The following ASCC3 variants were observed in gnomAD, a reference collection of about 807,000 sequenced individuals.
ASCC3 encodes ASC-1 complex subunit P200.
Under a neutral mutation model 256.3 loss-of-function variants are expected in ASCC3, and 158 were observed. The ratio of observed to expected loss-of-function variants is 0.62; its 90% CI spans 0.54 to 0.70. The LOEUF (loss-of-function observed/expected upper bound fraction) is 0.70. Among genes scored for constraint, ASCC3 ranks in the 30% least tolerant of loss-of-function variants. The pLI is 0.00. For synonymous variants in ASCC3, 948 were observed against 883.4 expected, an observed-to-expected ratio of 1.07 and a Z score of -1.30; for missense variants, 2,259 against 2,626.0, an observed-to-expected ratio of 0.86 and a Z score of 3.05.
chr6:100,831,173 T>C (rs1771599030), intron 4 of ASCC3, among the ~76,000 whole-genome samples: 1 of 152,072 alleles, frequency 6.6e-6, no homozygotes, highest in Non-Finnish European at 1.5e-5. Context: ...AAATATATTT[T>C]ACTTTTAAAT....
intron 3 of ASCC3, among the ~76,000 whole-genome samples, chr6:100,852,102 G>A (rs540369352): frequency 6.6e-6 from 1 of 152,290 alleles, no homozygotes; most frequent in African/African-American, 2.4e-5. Context: ...TGCTGGGGCC[G>A]CAAAGGATGC....
At chr6:100,864,459 C>T (rs1480866040) in intron 2 of ASCC3, among the ~76,000 whole-genome samples, 2 of 152,122 alleles carry the variant, frequency 1.3e-5, no homozygotes, top group Non-Finnish European at 2.9e-5. Context: ...AATTACACTG[C>T]ATACTCATAA....
intron 36 of ASCC3, 57 bp from the exon 37 acceptor site, chr6:100,540,444 T>A: frequency 7.2e-7 from 1 of 1,386,584 alleles, no homozygotes; most frequent in Non-Finnish European, 1.0e-6. Context: ...TTAATGTACT[T>A]CTTAGCTTTA....
chr6:100,614,257 G>T (rs1281166402), intron 30 of ASCC3, among the ~76,000 whole-genome samples: 3 of 152,076 alleles, frequency 2.0e-5, no homozygotes, highest in Non-Finnish European at 4.4e-5. Context: ...ATTTTCGAAA[G>T]TAGTATATTG....
chr6:100,623,698 T>C (rs898482595), intron 30 of ASCC3, among the ~76,000 whole-genome samples: 1 of 152,104 alleles, frequency 6.6e-6, no homozygotes, highest in Non-Finnish European at 1.5e-5. Flanking sequence ...TCATTGTAAC[T>C]CAATTTAGGA....
intron 8 of ASCC3, among the ~76,000 whole-genome samples, chr6:100,796,852 T>A (rs1769641820): frequency 6.6e-6 from 1 of 152,240 alleles, no homozygotes; most frequent in African/African-American, 2.4e-5. Flanking sequence ...AGTAGGTGAA[T>A]AGTTTAAAAC....
intron 30 of ASCC3, among the ~76,000 whole-genome samples, chr6:100,620,588 A>G (rs1005694772): frequency 6.6e-6 from 1 of 152,130 alleles, no homozygotes; most frequent in Non-Finnish European, 1.5e-5. Flanking sequence ...AAATATCTAT[A>G]GACAGTTCTT....
chr6:100,748,928 C>T (rs936895653), intron 10 of ASCC3, among the ~76,000 whole-genome samples: 2 of 151,646 alleles, frequency 1.3e-5, no homozygotes, highest in African/African-American at 4.9e-5. Flanking sequence ...AGACAAAGAA[C>T]ACTTTAAGGG....
intron 36 of ASCC3, among the ~76,000 whole-genome samples, chr6:100,551,937 G>C (rs1769322455): frequency 6.6e-6 from 1 of 151,796 alleles, no homozygotes; most frequent in South Asian, 2.1e-4. Flanking sequence ...TGAGGTGGTG[G>C]AGAGAAATGT....
intron 36 of ASCC3, among the ~76,000 whole-genome samples, chr6:100,587,044 G>T (rs1157739105): frequency 6.6e-6 from 1 of 152,118 alleles, no homozygotes; most frequent in Admixed American, 6.5e-5. Context: ...TGAGTGAATT[G>T]TACAAAAACA....
intron 30 of ASCC3, among the ~76,000 whole-genome samples, chr6:100,607,489 A>G (rs1772958469): frequency 6.6e-6 from 1 of 152,054 alleles, no homozygotes; most frequent in African/African-American, 2.4e-5. Context: ...AGTGGAAAAA[A>G]AAAATCAGCC....
chr6:100,582,719 G>C (rs1392405310), intron 36 of ASCC3, among the ~76,000 whole-genome samples: 1 of 151,868 alleles, frequency 6.6e-6, no homozygotes, highest in African/African-American at 2.4e-5. Flanking sequence ...TATTGGCTGT[G>C]GGTTTGTCAT....
chr6:100,684,956 G>A (rs1320057050), intron 13 of ASCC3, among the ~76,000 whole-genome samples: 6 of 151,774 alleles, frequency 4.0e-5, no homozygotes, highest in African/African-American at 9.7e-5. Context: ...ACAGGCACCC[G>A]CCACCACGCC....
chr6:100,635,592 C>T (rs946824608), intron 25 of ASCC3, among the ~76,000 whole-genome samples: 5 of 151,908 alleles, frequency 3.3e-5, no homozygotes, highest in African/African-American at 1.2e-4. Flanking sequence ...TATGTGTTCT[C>T]ATCACAAAAA....
At chr6:100,720,900 T>C (rs1227955634) in intron 11 of ASCC3, among the ~76,000 whole-genome samples, 1 of 148,032 alleles carries the variant, frequency 6.8e-6, no homozygotes, top group Non-Finnish European at 1.5e-5. Flanking sequence ...AATAAACCTA[T>C]AATATATAGT....
chr6:100,717,491 T>A (rs1018778240), intron 12 of ASCC3, among the ~76,000 whole-genome samples: 1 of 152,006 alleles, frequency 6.6e-6, no homozygotes, highest in Non-Finnish European at 1.5e-5. Context: ...AAGCCTATCA[T>A]AAGTACTCTA....
chr6:100,563,706 TA>T (rs2114709534), intron 36 of ASCC3, among the ~76,000 whole-genome samples: 1 of 152,288 alleles, frequency 6.6e-6, no homozygotes, highest in African/African-American at 2.4e-5. Context: ...CTAAGGAATG[TA>T]AATTCATCTA....
At chr6:100,781,062 A>T (rs1458033741) in intron 8 of ASCC3, among the ~76,000 whole-genome samples, 8 of 152,170 alleles carry the variant, frequency 5.3e-5, no homozygotes, top group Admixed American at 5.2e-4. Context: ...TAGCACAGTA[A>T]ATGGTGTAAA....
At chr6:100,635,919 G>T (rs118034671) in intron 25 of ASCC3, among the ~76,000 whole-genome samples, 3,477 of 152,138 alleles carry the variant, frequency 0.023, 46 homozygotes, top group Non-Finnish European at 0.033. Flanking sequence ...ATTTGATTAT[G>T]AATTACTTTG....
Sources: gnomAD v4.1 joint callset for allele counts (sites outside exome capture counted in the v4.1 genomes callset) on GRCh38, gnomAD v4.1.1 for gene constraint, MANE v1.5 for transcripts, NCBI Gene and HGNC (gene_info 2026-07-23, HGNC 2026-07-21) for gene names.